R3HDM2: variants seen among roughly 807,000 people sequenced by gnomAD.
R3HDM2 encodes the protein R3H domain-containing protein 2.
A neutral mutation model predicts 124.5 loss-of-function variants in R3HDM2; 38 were observed. The observed-to-expected ratio is 0.31, with a 90% CI of 0.24 to 0.40. The LOEUF (loss-of-function observed/expected upper bound fraction) is 0.40. Ranked by LOEUF, R3HDM2 falls within the 10% of genes least tolerant of loss-of-function variation. The pLI is 1.00. For synonymous variants in R3HDM2, 391 were observed against 448.0 expected (o/e 0.87, Z 1.61); for missense variants, 869 against 1,236.9 (o/e 0.70, Z 4.46).
At chr12:57,288,742 T>C in intron 12 of R3HDM2, 1 of 912,190 alleles carries the variant, frequency 1.1e-6, no homozygotes. Context: ...AAACCACAAA[T>C]TTAATTATTC....
chr12:57,409,866 C>T (rs2068858824), intron 1 of R3HDM2, among the ~76,000 whole-genome samples: 1 of 151,958 alleles, frequency 6.6e-6, no homozygotes, highest in Non-Finnish European at 1.5e-5. Flanking sequence ...GAAAACATGT[C>T]CCTCCCTTCT....
At chr12:57,328,102 C>T (rs888322690) in intron 2 of R3HDM2, among the ~76,000 whole-genome samples, 20 of 149,782 alleles carry the variant, frequency 1.3e-4, no homozygotes, top group African/African-American at 4.7e-4. Context: ...GACAGGGTCT[C>T]GTTCTGTCAC....
intron 3 of R3HDM2, among the ~76,000 whole-genome samples, chr12:57,309,614 C>A (rs1465567342): frequency 6.6e-6 from 1 of 152,200 alleles, no homozygotes; most frequent in East Asian, 1.9e-4. Flanking sequence ...ATGAATTTAA[C>A]ACTGTGTGTA....
Position 57,296,305 on chromosome 12 carries a change from A to G in R3HDM2, c.701+106T>C, listed in dbSNP as rs915975578. ...AGTGCTGGGATTACAGGTGTGAGCC[A>G]CCACGCCTGGCCATCTGCAAGAGAC... is the stretch of plus-strand genomic sequence containing the variant. On this transcript the variant is annotated intron_variant, in intron 9 of 23. Transcript: ENST00000402412. This position sits in a 1 kb window ranked among gnomAD's most constrained non-coding sequence, Gnocchi z 4.5. 5.3e-6 allele frequency: 7 copies of G among 1,324,444 alleles called. No homozygotes were observed. The highest frequency in any genetic ancestry group is 4.2e-5 in the South Asian group (3 of 71,422). The allele number at this position is 1,324,444 out of a possible 1,614,324, so 82.0% of individuals were successfully genotyped here. A position where few individuals can be genotyped will look rare whatever the true frequency, so the allele number is the denominator to read the frequency against.
chr12:57,287,960 A>G (rs982399682), intron 12 of R3HDM2, among the ~76,000 whole-genome samples: 1 of 151,838 alleles, frequency 6.6e-6, no homozygotes, highest in Admixed American at 6.6e-5. Flanking sequence ...AGTAATGAAC[A>G]ATCGTATGAA....
At chr12:57,306,980 G>A (rs888527645) in intron 3 of R3HDM2, among the ~76,000 whole-genome samples, 5 of 151,972 alleles carry the variant, frequency 3.3e-5, no homozygotes, top group African/African-American at 7.2e-5. Flanking sequence ...GCGCCACTGC[G>A]CTCCAGCCTG....
Position 57,258,136 on chromosome 12 carries a change from G to T in R3HDM2, c.2303C>A (p.Ala768Asp), listed in dbSNP as rs958545260. The stretch of plus-strand genomic sequence containing the variant: ...AGGGCTGCTGCTCATTTGTGTGTTG[G>T]CCTGTGGAAAAGAGGAGCACACGTC... ...DLYSPDSSPQ[A>D]NTQMSSSPVT... Residue 768 changes from alanine to aspartate, a missense_variant and splice_region_variant, in exon 21 of 24, where the codon GCC (alanine) becomes GAC (aspartate). Ala to Asp is a moderately radical substitution (Grantham distance 126, BLOSUM62 -2). This residue lies in a region of R3HDM2 where 602 missense variants were observed against 789.2 expected (regional missense o/e 0.76). Transcript: ENST00000402412. 1.3e-6 allele frequency: 2 copies of T among 1,539,006 alleles called. No homozygotes were observed. The highest frequency in any genetic ancestry group is 2.7e-5 in the African/African-American group (2 of 74,150).
chr12:57,329,637 G>A (rs2057832170), intron 2 of R3HDM2, among the ~76,000 whole-genome samples: 3 of 151,794 alleles, frequency 2.0e-5, no homozygotes, highest in Admixed American at 6.6e-5. Flanking sequence ...ATATTCCCAC[G>A]TCAAATTGAC....
rs966313378 is a variant in R3HDM2 at position 57,285,432 on chromosome 12, T to TGA, written c.939-1378_939-1377dup. The stretch of plus-strand genomic sequence containing the variant: ...TAATTCTTCTCTGCAACCCCAAGAC[T>TGA]GAGAGAGAGAGAGAGTGTGTGTGTG... On this transcript the variant is annotated intron_variant, in intron 12 of 23. Coordinates refer to ENST00000402412, the MANE Select transcript of R3HDM2 (RefSeq NM_001394031.1). Among the ~76,000 whole-genome samples, 777 of 137,442 alleles carry TGA rather than the reference T, an allele frequency of 5.7e-3. 9 individuals carry two copies. The highest frequency in any genetic ancestry group is 0.02 in the East Asian group (96 of 4,754). 90.2% of individuals were successfully genotyped at this position (137,442 alleles called of 152,430 possible). A position where few individuals can be genotyped will look rare whatever the true frequency, so the allele number is the denominator to read the frequency against.
Position 57,310,452 on chromosome 12 carries a change from C to T in R3HDM2, c.-24G>A. The T allele has an allele frequency of 6.8e-7, 1 of 1,478,358 alleles. No individual in the cohort carries two copies. The highest frequency in any genetic ancestry group is 9.0e-7 in the Non-Finnish European group (1 of 1,114,632). The allele number at this position is 1,478,358 out of a possible 1,614,324, so 91.6% of individuals were successfully genotyped here. ...ATGTTCTTCAATAGAATACAGTGGC[C>T]TCTATGGACTCCTAAAGAAACATCA... On this transcript the variant is annotated 5_prime_UTR_variant, in exon 3 of 24. Transcript: ENST00000402412.
intron 2 of R3HDM2, among the ~76,000 whole-genome samples, chr12:57,317,197 TG>T (rs2055256299): frequency 6.6e-6 from 1 of 150,722 alleles, no homozygotes; most frequent in Admixed American, 6.6e-5. Flanking sequence ...TGTTTTTTTT[TG>T]TTTGTTTTTT....
chr12:57,384,798 T>C (rs1192977527), intron 2 of R3HDM2, among the ~76,000 whole-genome samples: 1 of 152,100 alleles, frequency 6.6e-6, no homozygotes, highest in African/African-American at 2.4e-5. Flanking sequence ...ACAATGTGAA[T>C]GGCTTAGAAA....
At chr12:57,315,422 C>T (rs2054809110) in intron 2 of R3HDM2, among the ~76,000 whole-genome samples, 2 of 152,204 alleles carry the variant, frequency 1.3e-5, no homozygotes, top group South Asian at 2.1e-4. Flanking sequence ...AGTGATCCAC[C>T]TGCCTTGGCC....
chr12:57,340,881 A>G (rs2059478723), intron 2 of R3HDM2, among the ~76,000 whole-genome samples: 1 of 151,896 alleles, frequency 6.6e-6, no homozygotes, highest in East Asian at 1.9e-4. Flanking sequence ...AGCGACTGGA[A>G]GCCCAGATAC....
chr12:57,310,741 C>T (rs1274066581), intron 2 of R3HDM2, among the ~76,000 whole-genome samples: 1 of 152,182 alleles, frequency 6.6e-6, no homozygotes, highest in Non-Finnish European at 1.5e-5. Context: ...ACAGTGAGCG[C>T]ATTCACCATG....
chr12:57,366,791 G>A (rs1022005695), intron 2 of R3HDM2, among the ~76,000 whole-genome samples: 4 of 152,120 alleles, frequency 2.6e-5, no homozygotes, highest in Admixed American at 2.0e-4. Flanking sequence ...CCAGGTTCAC[G>A]CCATTCTGCT....
chr12:57,406,376 T>C (rs1173164407), intron 1 of R3HDM2, among the ~76,000 whole-genome samples: 4 of 151,162 alleles, frequency 2.6e-5, no homozygotes, highest in Non-Finnish European at 4.4e-5. Flanking sequence ...TATATTTAAA[T>C]TGAAGAGTCC....
intron 20 of R3HDM2, among the ~76,000 whole-genome samples, chr12:57,258,357 T>TA (rs2039710812): frequency 6.7e-6 from 1 of 149,888 alleles, no homozygotes; most frequent in Non-Finnish European, 1.5e-5. Context: ...TTTATTTATT[T>TA]TGAGATGGAG....
At chr12:57,396,123 T>C (rs2067459525) in intron 1 of R3HDM2, among the ~76,000 whole-genome samples, 1 of 152,214 alleles carries the variant, frequency 6.6e-6, no homozygotes, top group Non-Finnish European at 1.5e-5. Context: ...CTGAAATTCT[T>C]CAGCTCTTTT....
Sources: allele counts gnomAD v4.1 joint callset (sites outside exome capture counted in the v4.1 genomes callset), GRCh38; gene constraint gnomAD v4.1.1; regional missense constraint gnomAD v4.1.1; non-coding constraint Gnocchi (gnomAD v3.1); transcripts MANE v1.5; gene names NCBI Gene and HGNC (gene_info 2026-07-23, HGNC 2026-07-21).